The following CUEDC1 variants were observed in gnomAD, a reference collection of about 807,000 sequenced individuals.
The protein encoded by CUEDC1 is CUE domain-containing protein 1.
In CUEDC1, 30 loss-of-function variants were observed where a neutral mutation model predicts 43.7. That is an observed-to-expected ratio of 0.69 (90% CI 0.51 to 0.93). The LOEUF (loss-of-function observed/expected upper bound fraction) is 0.93. Ranked by LOEUF, CUEDC1 falls within the 40% of genes least tolerant of loss-of-function variation. The pLI is 0.00. For missense variants in CUEDC1, 486 were observed against 549.0 expected (o/e 0.89, Z 1.15); for synonymous variants, 223 against 223.6 (o/e 1.00, Z 0.02).
At chr17:57,951,942 T>C (rs921414369) in intron 1 of CUEDC1, among the ~76,000 whole-genome samples, 1 of 152,216 alleles carries the variant, frequency 6.6e-6, no homozygotes, top group African/African-American at 2.4e-5. Context: ...GATAATGCGC[T>C]GACACATCAG....
chr17:57,905,062 G>T (rs542577181), intron 1 of CUEDC1, among the ~76,000 whole-genome samples: 1 of 152,214 alleles, frequency 6.6e-6, no homozygotes, highest in South Asian at 2.1e-4. Context: ...TGCAGAAAAA[G>T]GTGCTGGAGA....
intron 1 of CUEDC1, among the ~76,000 whole-genome samples, chr17:57,936,452 G>A (rs564733333): frequency 6.6e-6 from 1 of 152,184 alleles, no homozygotes; most frequent in East Asian, 1.9e-4. Flanking sequence ...TCACAACCAG[G>A]TGCCTCTCAA....
At chr17:57,940,376 C>A (rs2074906424) in intron 1 of CUEDC1, among the ~76,000 whole-genome samples, 1 of 152,168 alleles carries the variant, frequency 6.6e-6, no homozygotes, top group South Asian at 2.1e-4. Flanking sequence ...GCTCTTCTCT[C>A]CTCTACATTT....
chr17:57,863,561 G>A (rs915171933), intron 10 of CUEDC1, among the ~76,000 whole-genome samples: 1 of 152,144 alleles, frequency 6.6e-6, no homozygotes, highest in Non-Finnish European at 1.5e-5. Context: ...CTGTAGGGGA[G>A]GGCTTCAACG....
intron 1 of CUEDC1, chr17:57,915,080 T>G (rs935991295): frequency 6.6e-6 from 1 of 152,142 alleles, no homozygotes; most frequent in Admixed American, 6.5e-5. Flanking sequence ...AACCTGGGTG[T>G]GTTTGGCCAA....
intron 1 of CUEDC1, among the ~76,000 whole-genome samples, chr17:57,937,800 G>C (rs557989082): frequency 2.2e-4 from 33 of 151,994 alleles, no homozygotes; most frequent in Non-Finnish European, 2.8e-4. Context: ...CAGCTACTCA[G>C]GGAAGCTGAG....
intron 1 of CUEDC1, among the ~76,000 whole-genome samples, chr17:57,939,839 G>A (rs2074900460): frequency 6.6e-6 from 1 of 152,114 alleles, no homozygotes; most frequent in Admixed American, 6.5e-5. Flanking sequence ...GAGCTGAGGG[G>A]CCATACCACC....
intron 10 of CUEDC1, among the ~76,000 whole-genome samples, chr17:57,865,421 T>C (rs1406971147): frequency 6.6e-6 from 1 of 152,144 alleles, no homozygotes; most frequent in African/African-American, 2.4e-5. Flanking sequence ...GTGACTATCC[T>C]GAGGCAAGTG....
At chr17:57,912,425 A>G (rs1228941961) in intron 1 of CUEDC1, 1 of 151,856 alleles carries the variant, frequency 6.6e-6, no homozygotes, top group Non-Finnish European at 1.5e-5. Context: ...TGAGGAACAG[A>G]CTCCTGTCCC....
chr17:57,951,070 G>A lies in CUEDC1; in HGVS notation c.-316+4155C>T, dbSNP rs539655886. Among the ~76,000 whole-genome samples, 44 of 137,436 alleles carry A rather than the reference G, an allele frequency of 3.2e-4. 1 individual carries two copies. In the South Asian group the frequency reaches 9.8e-3, roughly 31 times the overall value. 90.2% of individuals were successfully genotyped at this position (137,436 alleles called of 152,430 possible). On this transcript the variant is annotated intron_variant, in intron 1 of 10. Coordinates refer to ENST00000577830, the MANE Select transcript of CUEDC1 (RefSeq NM_001271875.2). ...CTCCCCACCCCCGCCTCCACTGTGC[G>A]GTCCTCTCTGCTCATCATTCAAGAG... is the stretch of plus-strand genomic sequence containing the variant.
At chr17:57,881,887 C>T (rs985147718) in intron 2 of CUEDC1, among the ~76,000 whole-genome samples, 5 of 152,188 alleles carry the variant, frequency 3.3e-5, no homozygotes, top group African/African-American at 9.7e-5. Flanking sequence ...AGACAGGCGG[C>T]CGGCCAGGCA....
intron 1 of CUEDC1, among the ~76,000 whole-genome samples, chr17:57,886,948 A>T (rs953581283): frequency 4.0e-5 from 6 of 151,186 alleles, no homozygotes; most frequent in African/African-American, 1.5e-4. Context: ...CCTCCCGAGT[A>T]GCTGGGACTA....
chr17:57,867,564 A>T (rs1210989221), intron 8 of CUEDC1, 149 bp from the exon 9 acceptor site: 18 of 691,238 alleles, frequency 2.6e-5, no homozygotes, highest in Admixed American at 6.5e-5. Context: ...ACTGTCCCCC[A>T]GGCTCATTTT....
intron 1 of CUEDC1, among the ~76,000 whole-genome samples, chr17:57,934,535 C>A (rs2074840712): frequency 3.7e-5 from 4 of 107,282 alleles, no homozygotes; most frequent in Non-Finnish European, 7.0e-5. Context: ...CCAGCCTAGG[C>A]AATATAGCAA....
Position 57,885,215 on chromosome 17 carries a change from G to C in CUEDC1, c.336+14C>G, listed in dbSNP as rs1314915621. On this transcript the variant is annotated intron_variant, in intron 2 of 10. Coordinates refer to ENST00000577830, the MANE Select transcript of CUEDC1 (RefSeq NM_001271875.2). ...CTCCAGTGGTGGTTGGAATTACCCG[G>C]GCTGCGCCCCTACCTCCGGGGGGAT... 3 of 1,547,592 alleles carry C rather than the reference G, an allele frequency of 1.9e-6. No individual in the cohort carries two copies.
At position 57,878,449 on chromosome 17, in the gene CUEDC1, A is replaced by T. The variant is rs117547858; in HGVS notation, c.464+1162T>A. The stretch of plus-strand genomic sequence containing the variant: ...CTGCTCTGGGGCTGTTCTGGGGAGA[A>T]GGGAAGATCTAACTGGGACAGGTGC... On this transcript the variant is annotated intron_variant, in intron 3 of 10. Coordinates refer to ENST00000577830, the MANE Select transcript of CUEDC1 (RefSeq NM_001271875.2). Among the ~76,000 whole-genome samples, 1,297 of 152,178 alleles carry T rather than the reference A, an allele frequency of 8.5e-3. 6 individuals carry two copies. Among genetic ancestry groups the T allele is most frequent in the Non-Finnish European group, 0.014 (930 of 68,000 alleles).
chr17:57,921,917 A>T (rs1046966533), intron 1 of CUEDC1, among the ~76,000 whole-genome samples: 1 of 152,222 alleles, frequency 6.6e-6, no homozygotes, highest in Non-Finnish European at 1.5e-5. Flanking sequence ...GTTCAAAACC[A>T]GCCTGGCCAA....
chr17:57,901,371 T>A (rs1000245375), intron 1 of CUEDC1, among the ~76,000 whole-genome samples: 1 of 152,200 alleles, frequency 6.6e-6, no homozygotes, highest in African/African-American at 2.4e-5. Flanking sequence ...ACTCATGACA[T>A]AAAGTTCCTG....
intron 1 of CUEDC1, among the ~76,000 whole-genome samples, chr17:57,902,290 C>G (rs1170644050): frequency 6.6e-6 from 1 of 152,110 alleles, no homozygotes; most frequent in Non-Finnish European, 1.5e-5. Context: ...GATCACACCA[C>G]TCACTCCAGC....
Sources: gnomAD v4.1 joint callset for allele counts (sites outside exome capture counted in the v4.1 genomes callset) on GRCh38, gnomAD v4.1.1 for gene constraint, MANE v1.5 for transcripts, NCBI Gene and HGNC (gene_info 2026-07-23, HGNC 2026-07-21) for gene names.